The following PRCP variants were observed in gnomAD, a reference collection of about 807,000 sequenced individuals.
PRCP encodes lysosomal Pro-X carboxypeptidase.
A neutral mutation model predicts 54.2 loss-of-function variants in PRCP; 46 were observed. The ratio of observed to expected loss-of-function variants is 0.85; its 90% confidence interval spans 0.67 to 1.09. The LOEUF (loss-of-function observed/expected upper bound fraction) is 1.09. Among genes scored for constraint, PRCP ranks in the 50% least tolerant of loss-of-function variants. The pLI is 0.00. For missense variants in PRCP, 613 were observed against 596.8 expected (o/e 1.03, Z -0.28); for synonymous variants, 240 against 212.2 (o/e 1.13, Z -1.14).
Position 82,860,061 on chromosome 11 carries a change from A to G in PRCP, c.225T>C (p.Ala75=). 6.3e-7 allele frequency: 1 copy of G among 1,588,752 alleles called. No individual in the cohort carries two copies. Among genetic ancestry groups the G allele is most frequent in the Non-Finnish European group, 8.6e-7 (1 of 1,168,206 alleles). Residue 75 remains alanine (A), a synonymous_variant, in exon 2 of 9, where the codon GCT becomes GCC. Transcript: ENST00000313010. ...VKTFNQRYLV[A]DKYWKKNGGS... is the part of the protein sequence containing the mutation. ...CACCATTTTTCTTCCAGTATTTATCAGCTACTAGGTACCGCTGATTAAAAG... is the reference window on the plus strand; with the variant it reads ...CACCATTTTTCTTCCAGTATTTATCGGCTACTAGGTACCGCTGATTAAAAG...
chr11:82,847,221 C>A (rs1314939567), intron 6 of PRCP, among the ~76,000 whole-genome samples: 1 of 152,194 alleles, frequency 6.6e-6, no homozygotes, highest in African/African-American at 2.4e-5. Context: ...AAATGTAATT[C>A]TCACCTTGTA....
intron 1 of PRCP, among the ~76,000 whole-genome samples, chr11:82,880,252 C>A (rs1046949428): frequency 4.8e-4 from 73 of 152,354 alleles, no homozygotes; most frequent in African/African-American, 1.7e-3. Context: ...AGATGCCCCT[C>A]CCCCAGCCTC....
intron 2 of PRCP, among the ~76,000 whole-genome samples, chr11:82,856,281 G>C (rs12285125): frequency 0.032 from 4,809 of 152,278 alleles, 182 homozygotes; most frequent in Admixed American, 0.086. Flanking sequence ...TACCCTTCAA[G>C]AGTGGACTGG....
At chr11:82,862,798 C>T (rs528112376) in intron 1 of PRCP, among the ~76,000 whole-genome samples, 1 of 152,298 alleles carries the variant, frequency 6.6e-6, no homozygotes, top group Admixed American at 6.5e-5. Context: ...TAAACCCTTC[C>T]ATTATACATG....
intron 6 of PRCP, among the ~76,000 whole-genome samples, chr11:82,848,391 C>T (rs10736755): frequency 0.46 from 70,225 of 152,048 alleles, 16,339 homozygotes; most frequent in Admixed American, 0.53. Flanking sequence ...TTTATTAGAT[C>T]CTCAGCACAA....
In PRCP at chr11:82,824,821, A is replaced by C; in HGVS notation, c.*85T>G. The C allele has an allele frequency of 7.6e-7, 1 of 1,316,670 alleles. No individual in the cohort carries two copies. Among genetic ancestry groups the C allele is most frequent in the Non-Finnish European group, 1.1e-6 (1 of 949,002 alleles). The allele number at this position is 1,316,670 out of a possible 1,614,324, so 81.6% of individuals were successfully genotyped here. A position where few individuals can be genotyped will look rare whatever the true frequency, so the allele number is the denominator to read the frequency against. On this transcript the variant is annotated 3_prime_UTR_variant, in exon 9 of 9. Transcript: ENST00000313010. Reference sequence around the variant, plus strand: ...ATCAAATCTAATGATAAACAAAAGAAGGTAATTACATGTAGAAAATCAAAG... The same window carrying C: ...ATCAAATCTAATGATAAACAAAAGACGGTAATTACATGTAGAAAATCAAAG...
At chr11:82,884,895 G>A in intron 1 of PRCP, 4 of 1,612,464 alleles carry the variant, frequency 2.5e-6, no homozygotes, top group Non-Finnish European at 3.4e-6. Context: ...CCTGCAGGAA[G>A]TAAAGGCTTG....
chr11:82,867,924 C>G (rs1176662546), intron 1 of PRCP, among the ~76,000 whole-genome samples: 1 of 152,122 alleles, frequency 6.6e-6, no homozygotes, highest in Non-Finnish European at 1.5e-5. Flanking sequence ...AATCTTAGGA[C>G]AGAAAGGGAA....
intron 1 of PRCP, among the ~76,000 whole-genome samples, chr11:82,889,907 G>A (rs74932934): frequency 0.036 from 5,450 of 152,248 alleles, 186 homozygotes; most frequent in African/African-American, 0.079. Flanking sequence ...GAGCTGTACC[G>A]GAGGGGGAAA....
intron 6 of PRCP, among the ~76,000 whole-genome samples, chr11:82,841,263 C>CA (rs1858661593): frequency 9.1e-6 from 1 of 110,422 alleles, no homozygotes; most frequent in African/African-American, 3.8e-5. Context: ...CAGCTGCCAG[C>CA]GGGGGAAAAA....
chr11:82,848,752 C>T (rs753628294), intron 6 of PRCP, among the ~76,000 whole-genome samples: 1 of 152,166 alleles, frequency 6.6e-6, no homozygotes, highest in African/African-American at 2.4e-5. Context: ...CAGGATTTGG[C>T]ACATAGTAAT....
intron 1 of PRCP, chr11:82,900,024 C>G (rs1164031000): frequency 3.2e-6 from 2 of 617,844 alleles, no homozygotes; most frequent in East Asian, 6.0e-5. Context: ...AGTATGCAGC[C>G]AAAACTACTA....
At chr11:82,844,265 G>T (rs965407932) in intron 6 of PRCP, among the ~76,000 whole-genome samples, 1 of 152,042 alleles carries the variant, frequency 6.6e-6, no homozygotes, top group African/African-American at 2.4e-5. Flanking sequence ...ACACAGCAAG[G>T]AAGTGGCAGA....
At chr11:82,900,674 T>G (rs1328237008), upstream of PRCP, 1 of 616,304 alleles carries the variant, frequency 1.6e-6, no homozygotes. Context: ...ACACCCCAAG[T>G]CTGCCCTTAT....
At chr11:82,840,164 C>G (rs1306020385) in intron 6 of PRCP, 1 of 152,038 alleles carries the variant, frequency 6.6e-6, no homozygotes, top group Non-Finnish European at 1.5e-5. Context: ...CCCAAATATT[C>G]CTATCACTAT....
In PRCP at chr11:82,863,898, G is replaced by T. The variant is rs959671277; in HGVS notation, c.169-3781C>A. Among the ~76,000 whole-genome samples the T allele has an allele frequency of 2.0e-5, 3 of 152,270 alleles. No homozygotes were observed. The South Asian group carries it at 6.2e-4, about 32-fold the overall frequency. On this transcript the variant is annotated intron_variant, in intron 1 of 8. Transcript: ENST00000313010. ...AACCCTGGCAAGAAAGCAGACTTCG[G>T]AGTTAAAAGACCTGAACTTGAATCT...
intron 1 of PRCP, among the ~76,000 whole-genome samples, chr11:82,864,462 C>T (rs1037601643): frequency 2.1e-4 from 32 of 152,274 alleles, no homozygotes; most frequent in Admixed American, 1.6e-3. Context: ...AATTACAACA[C>T]GGAAAGGTCA....
At chr11:82,825,706 G>C (rs897966306) in intron 8 of PRCP, 5 of 152,272 alleles carry the variant, frequency 3.3e-5, no homozygotes, top group Admixed American at 1.3e-4. Context: ...ACAGTACTTT[G>C]GGAAACAGGA....
intron 1 of PRCP, among the ~76,000 whole-genome samples, chr11:82,874,313 C>T (rs147756513): frequency 3.9e-5 from 6 of 152,214 alleles, no homozygotes; most frequent in African/African-American, 1.4e-4. Flanking sequence ...GGTCACTGCC[C>T]GCACAGGGCT....
Sources: gnomAD v4.1 joint callset for allele counts (sites outside exome capture counted in the v4.1 genomes callset) on GRCh38, gnomAD v4.1.1 for gene constraint, MANE v1.5 for transcripts, NCBI Gene and HGNC (gene_info 2026-07-23, HGNC 2026-07-21) for gene names.